CDH18: variants seen among roughly 807,000 people sequenced by gnomAD.
CDH18 encodes cadherin 18.
Under a neutral mutation model 67.9 loss-of-function variants are expected in CDH18, and 31 were observed. That is an observed-to-expected ratio of 0.46 (90% CI 0.34 to 0.62). The LOEUF (loss-of-function observed/expected upper bound fraction) is 0.62. Among genes scored for constraint, CDH18 ranks in the 20% least tolerant of loss-of-function variants. CDH18 has a pLI of 0.01. For synonymous variants in CDH18, 362 were observed against 347.2 expected, an observed-to-expected ratio of 1.04 and a Z score of -0.48; for missense variants, 890 against 975.5, an observed-to-expected ratio of 0.91 and a Z score of 1.17.
At chr5:19,594,315 C>T (rs534226987) in intron 6 of CDH18, among the ~76,000 whole-genome samples, 44 of 152,124 alleles carry the variant, frequency 2.9e-4, no homozygotes, top group Admixed American at 4.6e-4. Flanking sequence ...CCACACACAG[C>T]TAATTTTTTG....
intron 1 of CDH18, among the ~76,000 whole-genome samples, chr5:20,406,574 A>C (rs1746283753): frequency 9.3e-6 from 1 of 107,924 alleles, no homozygotes; most frequent in East Asian, 2.1e-4. Flanking sequence ...CTTAAAGTAT[A>C]ATAAAAAAAA....
chr5:19,625,826 C>G (rs1049760137), intron 5 of CDH18, among the ~76,000 whole-genome samples: 1 of 152,032 alleles, frequency 6.6e-6, no homozygotes, highest in African/African-American at 2.4e-5. Context: ...AAGCCTGGCC[C>G]CTCCTTTTCC....
At chr5:19,814,357 T>TA (rs151201498) in intron 3 of CDH18, among the ~76,000 whole-genome samples, 14 of 150,612 alleles carry the variant, frequency 9.3e-5, no homozygotes, top group South Asian at 2.1e-4. Context: ...AATTATGTCC[T>TA]AAAAAAAAAC....
chr5:20,572,696 AG>A (rs1758880813), intron 1 of CDH18, among the ~76,000 whole-genome samples: 1 of 152,170 alleles, frequency 6.6e-6, no homozygotes, highest in Non-Finnish European at 1.5e-5. Context: ...AGTATAACAC[AG>A]GAAGAAAGAG....
chr5:19,943,657 AT>A (rs931195231), intron 2 of CDH18, among the ~76,000 whole-genome samples: 6 of 152,106 alleles, frequency 3.9e-5, no homozygotes, highest in African/African-American at 1.2e-4. Context: ...TTTAGAGAGA[AT>A]TGGGACCAAA....
chr5:20,018,187 T>A (rs1738050469), intron 2 of CDH18, among the ~76,000 whole-genome samples: 1 of 152,176 alleles, frequency 6.6e-6, no homozygotes, highest in African/African-American at 2.4e-5. Flanking sequence ...CTTGACAATG[T>A]CACACAGACC....
Position 20,129,394 on chromosome 5 carries a change from C to T in CDH18, c.-518+126050G>A, listed in dbSNP as rs147418777. On this transcript the variant is annotated intron_variant, in intron 2 of 14. Transcript: ENST00000507958. ...ACAATTTGCTTTTTATCTAAACTTA[C>T]GTTCTATTACAAGCAATTGACAAAA... 5.8e-3 allele frequency among the ~76,000 whole-genome samples: 878 copies of T among 152,064 alleles called. 14 individuals carry two copies. Among genetic ancestry groups the T allele is most frequent in the African/African-American group, 0.014 (588 of 41,436 alleles).
intron 2 of CDH18, among the ~76,000 whole-genome samples, chr5:20,102,849 G>A (rs1746591129): frequency 6.6e-6 from 1 of 152,094 alleles, no homozygotes; most frequent in South Asian, 2.1e-4. Flanking sequence ...AACCATCTGT[G>A]ACTAGAATAA....
At chr5:20,149,382 A>G (rs1750920229) in intron 2 of CDH18, among the ~76,000 whole-genome samples, 1 of 152,110 alleles carries the variant, frequency 6.6e-6, no homozygotes, top group Non-Finnish European at 1.5e-5. Context: ...TTGTTGACAC[A>G]CTTTCATTAA....
intron 4 of CDH18, among the ~76,000 whole-genome samples, chr5:19,738,033 A>G (rs541148321): frequency 6.6e-5 from 10 of 152,150 alleles, no homozygotes; most frequent in Non-Finnish European, 1.5e-4. Context: ...GGATATGATA[A>G]ATATAGAAAA....
At chr5:20,356,870 CTATATA>C (rs145257142) in intron 1 of CDH18, among the ~76,000 whole-genome samples, 8 of 148,470 alleles carry the variant, frequency 5.4e-5, no homozygotes, top group African/African-American at 2.0e-4. Context: ...TACATATATA[CTATATA>C]TATACTCTAT....
At chr5:19,906,246 G>GT (rs1790520746) in intron 2 of CDH18, among the ~76,000 whole-genome samples, 2 of 151,916 alleles carry the variant, frequency 1.3e-5, no homozygotes, top group East Asian at 3.9e-4. Flanking sequence ...AATTATGTAG[G>GT]TCTCATAATT....
chr5:20,029,674 T>A (rs2150448505), intron 2 of CDH18, among the ~76,000 whole-genome samples: 2 of 152,338 alleles, frequency 1.3e-5, no homozygotes, highest in South Asian at 4.1e-4. Flanking sequence ...ATAGTGAATT[T>A]TAAAGTCTTA....
chr5:20,106,757 TA>T (rs1386083942), intron 2 of CDH18, among the ~76,000 whole-genome samples: 2 of 152,198 alleles, frequency 1.3e-5, no homozygotes, highest in Non-Finnish European at 2.9e-5. Context: ...AACCTGAGAC[TA>T]TATGGGAACT....
intron 2 of CDH18, among the ~76,000 whole-genome samples, chr5:20,227,365 C>T (rs191802842): frequency 1.0e-3 from 158 of 152,204 alleles, no homozygotes; most frequent in African/African-American, 3.7e-3. Context: ...TTTCCACACT[C>T]CACAAACGTT....
At chr5:19,653,777 G>T (rs555445050) in intron 5 of CDH18, among the ~76,000 whole-genome samples, 1 of 152,102 alleles carries the variant, frequency 6.6e-6, no homozygotes, top group African/African-American at 2.4e-5. Context: ...CAACTCCTAG[G>T]ATCCTTAAGC....
At chr5:19,539,295 C>T (rs1335488979) in intron 9 of CDH18, among the ~76,000 whole-genome samples, 5 of 152,122 alleles carry the variant, frequency 3.3e-5, no homozygotes, top group African/African-American at 1.2e-4. Context: ...TATAGATTAA[C>T]TCAAACCCCA....
chr5:20,158,921 AC>A, intron 2 of CDH18: 1 of 188,658 alleles, frequency 5.3e-6, no homozygotes, highest in East Asian at 1.4e-4. Context: ...ATCACTTGCA[AC>A]CCCAACTATC....
At chr5:20,469,570 G>A (rs536255425) in intron 1 of CDH18, among the ~76,000 whole-genome samples, 55 of 152,212 alleles carry the variant, frequency 3.6e-4, no homozygotes, top group African/African-American at 1.2e-3. Context: ...CTTCCTTGAG[G>A]ATACTTCTTG....
Sources: allele counts gnomAD v4.1 joint callset (sites outside exome capture counted in the v4.1 genomes callset), GRCh38; gene constraint gnomAD v4.1.1; transcripts MANE v1.5; gene names NCBI Gene and HGNC (gene_info 2026-07-23, HGNC 2026-07-21).